The following ZFAND5 variants were observed in gnomAD, a reference collection of about 807,000 sequenced individuals.
ZFAND5 encodes the protein AN1-type zinc finger protein 5.
Under a neutral mutation model 23.6 loss-of-function variants are expected in ZFAND5, and 4 were observed. The ratio of observed to expected loss-of-function variants is 0.17; its 90% confidence interval spans 0.08 to 0.39. The LOEUF is 0.39. ZFAND5 is among the 10% of genes least tolerant of loss of function. ZFAND5 has a pLI of 1.00. For missense variants in ZFAND5, 161 were observed against 253.7 expected, an observed-to-expected ratio of 0.63 and a Z score of 2.48; for synonymous variants, 68 against 80.6, an observed-to-expected ratio of 0.84 and a Z score of 0.84.
intron 2 of ZFAND5, 102 bp downstream of exon 2, chr9:72,363,368 C>G (rs1043638037): frequency 2.0e-5 from 3 of 152,490 alleles, no homozygotes; most frequent in African/African-American, 7.2e-5. Context: ...TGTAACTGAA[C>G]AATTCTCCAA....
chr9:72,360,099 T>C lies in ZFAND5; in HGVS notation c.263+11A>G, dbSNP rs1842055393. 6.2e-7 allele frequency: 1 copy of C among 1,604,322 alleles called. No homozygotes were observed. The highest frequency in any genetic ancestry group is 8.5e-7 in the Non-Finnish European group (1 of 1,175,320). On this transcript the variant is annotated intron_variant, in intron 4 of 6. Transcript: ENST00000376962. ...GTAATATCATAAAAACTCTGAAACG[T>C]TCAATCTTACCTTGATTTTTCAGAT...
chr9:72,356,794 C>T, intron 6 of ZFAND5, 137 bp downstream of exon 6: 1 of 1,102,916 alleles, frequency 9.1e-7, no homozygotes, highest in Non-Finnish European at 1.2e-6. Context: ...ACCACCTCCT[C>T]CACCTTTCCT....
rs551934924 is a variant in ZFAND5, at chr9:72,357,517, T to C, written c.368-461A>G. Among the ~76,000 whole-genome samples, 20 of 152,242 alleles carry C rather than the reference T, an allele frequency of 1.3e-4. No homozygotes were observed. The East Asian group carries it at 1.9e-3, about 15-fold the overall frequency. ...CTTATAGGAAAAAAAATCCTGTAGATATAAAAACAGCAAATTTTGACAAAT... is the reference window on the plus strand; with the variant it reads ...CTTATAGGAAAAAAAATCCTGTAGACATAAAAACAGCAAATTTTGACAAAT... On this transcript the variant is annotated intron_variant, in intron 5 of 6. Transcript: ENST00000376962.
Position 72,363,626 on chromosome 9 carries a change from A to G in ZFAND5, c.-146-20T>C, listed in dbSNP as rs1326155232. 1 of 983,498 alleles carries G rather than the reference A, an allele frequency of 1.0e-6. No homozygotes were observed. Among genetic ancestry groups the G allele is most frequent in the African/African-American group, 1.7e-5 (1 of 57,224 alleles). 60.9% of individuals were successfully genotyped at this position (983,498 alleles called of 1,614,324 possible). On this transcript the variant is annotated intron_variant, in intron 1 of 6. Transcript: ENST00000376962. ...CAGGGCCTGGGAGATAGAAAACAGG[A>G]GACAACTACAAAGAATCCTTAATTT...
At position 72,352,709 on chromosome 9, in the gene ZFAND5, A is replaced by T. The variant is rs896052955; in HGVS notation, c.*3244T>A. On this transcript the variant is annotated 3_prime_UTR_variant, in exon 7 of 7. Transcript: ENST00000376962. ...CTTTATCTTTTCACTATACAACTTGATGTAACCAATCCTGTTCTCAAAGTT... is the reference window on the plus strand; with the variant it reads ...CTTTATCTTTTCACTATACAACTTGTTGTAACCAATCCTGTTCTCAAAGTT... The T allele has an allele frequency of 2.0e-5, 3 of 152,246 alleles. No individual in the cohort carries two copies. Among genetic ancestry groups the T allele is most frequent in the Non-Finnish European group, 4.4e-5 (3 of 68,042 alleles). The allele number at this position is 152,246 out of a possible 1,614,324, so 9.4% of individuals were successfully genotyped here.
chr9:72,364,427 C>T (rs1388829427), intron 1 of ZFAND5: 5 of 1,262,268 alleles, frequency 4.0e-6, no homozygotes, highest in Admixed American at 2.5e-5. Context: ...GAGGCCGGCC[C>T]CGCAGAGGCG....
chr9:72,360,997 A>C (rs1842080499), intron 2 of ZFAND5, among the ~76,000 whole-genome samples: 1 of 152,148 alleles, frequency 6.6e-6, no homozygotes, highest in African/African-American at 2.4e-5. Context: ...CCCAAAAAGA[A>C]ATTTTATCAA....
At chr9:72,364,494 C>T in intron 1 of ZFAND5, 3 of 1,281,976 alleles carry the variant, frequency 2.3e-6, no homozygotes, top group Non-Finnish European at 3.1e-6. Flanking sequence ...ACGCCGGGAG[C>T]CAGGTCTCGG....
At chr9:72,356,899 T>C in intron 6 of ZFAND5, 32 bp downstream of exon 6, 1 of 1,609,116 alleles carries the variant, frequency 6.2e-7, no homozygotes. Flanking sequence ...ACTGCAGAAG[T>C]AAAACATACA....
intron 1 of ZFAND5, 170 bp downstream of exon 1, chr9:72,364,526 C>A: frequency 7.8e-7 from 1 of 1,279,564 alleles, no homozygotes; most frequent in Non-Finnish European, 1.0e-6. Context: ...AGGATGACGC[C>A]TCCGTCTTTG....
intron 1 of ZFAND5, chr9:72,364,420 G>A (rs971127623): frequency 1.6e-6 from 2 of 1,255,884 alleles, no homozygotes; most frequent in African/African-American, 1.6e-5. Flanking sequence ...CGGCCTAGAG[G>A]CCGGCCCCGC....
chr9:72,356,206 C>A, intron 6 of ZFAND5, 105 bp from the exon 7 acceptor site: 2 of 1,373,158 alleles, frequency 1.5e-6, no homozygotes, highest in Non-Finnish European at 2.0e-6. Flanking sequence ...TGCTTTGTAA[C>A]ATAAAAGACA....
In ZFAND5 at chr9:72,351,975, C is replaced by A. The variant is rs1438004563; in HGVS notation, c.*3978G>T. 6.6e-6 allele frequency: 1 copy of A among 152,104 alleles called. No individual in the cohort carries two copies. Among genetic ancestry groups the A allele is most frequent in the Non-Finnish European group, 1.5e-5 (1 of 68,034 alleles). 9.4% of individuals were successfully genotyped at this position (152,104 alleles called of 1,614,324 possible). On this transcript the variant is annotated 3_prime_UTR_variant, in exon 7 of 7. Coordinates refer to ENST00000376962, the MANE Select transcript of ZFAND5 (RefSeq NM_001102420.3). ...ATAAGTTAATACTTATGGACAAAAACCACTATTGAGAACTTTGCATTCAAA... is the reference window on the plus strand; with the variant it reads ...ATAAGTTAATACTTATGGACAAAAAACACTATTGAGAACTTTGCATTCAAA...
At chr9:72,356,199 T>G in intron 6 of ZFAND5, 98 bp from the exon 7 acceptor site, 1 of 1,437,732 alleles carries the variant, frequency 7.0e-7, no homozygotes, top group Non-Finnish European at 9.4e-7. Flanking sequence ...TTTTCATTGC[T>G]TTGTAACATA....
chr9:72,356,245 A>G (rs1160387513), intron 6 of ZFAND5, 144 bp from the exon 7 acceptor site: 8 of 1,024,022 alleles, frequency 7.8e-6, no homozygotes, highest in South Asian at 1.9e-5. Flanking sequence ...CTTCCTGGTG[A>G]TAAGACACAG....
rs1364630224 is a variant in ZFAND5 at position 72,353,164 on chromosome 9, A to C, written c.*2789T>G. 2 of 152,104 alleles carry C rather than the reference A, an allele frequency of 1.3e-5. No homozygotes were observed. Among genetic ancestry groups the C allele is most frequent in the African/African-American group, 2.4e-5 (1 of 41,390 alleles). The allele number at this position is 152,104 out of a possible 1,614,324, so 9.4% of individuals were successfully genotyped here. ...AATATTTGTCTGCTTATGTAAGGGAAACATGGTATATTATTAAATTGCTTA... is the reference window on the plus strand; with the variant it reads ...AATATTTGTCTGCTTATGTAAGGGACACATGGTATATTATTAAATTGCTTA... On this transcript the variant is annotated 3_prime_UTR_variant, in exon 7 of 7. Transcript: ENST00000376962.
rs117307651 is a variant in ZFAND5, at chr9:72,357,897, G to C, written c.368-841C>G. On this transcript the variant is annotated intron_variant, in intron 5 of 6. Transcript: ENST00000376962. ...CACAATGAACAAAAAATACATTACTGTACTAAAGCCCACACTGCCACTAGT... is the reference window on the plus strand; with the variant it reads ...CACAATGAACAAAAAATACATTACTCTACTAAAGCCCACACTGCCACTAGT... 3.4e-3 allele frequency among the ~76,000 whole-genome samples: 518 copies of C among 152,126 alleles called. 1 individual carries two copies. The highest frequency in any genetic ancestry group is 5.5e-3 in the Admixed American group (84 of 15,270).
intron 4 of ZFAND5, among the ~76,000 whole-genome samples, 186 bp downstream of exon 4, chr9:72,359,923 AG>A (rs1842050094): frequency 1.3e-5 from 2 of 152,188 alleles, no homozygotes; most frequent in Non-Finnish European, 2.9e-5. Flanking sequence ...AGTATCCTTG[AG>A]GGGGTTAGGG....
chr9:72,362,050 T>A (rs1564312771), intron 2 of ZFAND5, among the ~76,000 whole-genome samples: 1 of 152,162 alleles, frequency 6.6e-6, no homozygotes, highest in African/African-American at 2.4e-5. Flanking sequence ...TGGTAATTAT[T>A]CCCCAAAACA....
Sources: gnomAD v4.1 joint callset for allele counts (sites outside exome capture counted in the v4.1 genomes callset) on GRCh38, gnomAD v4.1.1 for gene constraint, MANE v1.5 for transcripts, NCBI Gene and HGNC (gene_info 2026-07-23, HGNC 2026-07-21) for gene names.